Variants in CATSPERT observed in about 807,000 individuals in gnomAD.
CATSPERT encodes cation channel sperm-associated targeting subunit tau.
At chr2:201,573,151 A>G in the CATSPERT span, among the ~76,000 whole-genome samples, 16 of 152,364 alleles carry the variant, frequency 1.1e-4, no homozygotes, top group African/African-American at 3.8e-4. Context: ...TAATTCCTTG[A>G]AAAGGTCATT....
the CATSPERT span, among the ~76,000 whole-genome samples, chr2:201,615,229 C>G: frequency 6.6e-6 from 1 of 152,178 alleles, no homozygotes; most frequent in African/African-American, 2.4e-5. Context: ...ACAGAACTCT[C>G]CACCCCAAAT....
the CATSPERT span, among the ~76,000 whole-genome samples, chr2:201,593,744 GTCTCTTTTGA>G: frequency 6.7e-6 from 1 of 148,656 alleles, no homozygotes. Flanking sequence ...GGCCTTCTTT[GTCTCTTTTGA>G]TCTTTGTTGG....
the CATSPERT span, among the ~76,000 whole-genome samples, chr2:201,611,053 G>A: frequency 6.6e-6 from 1 of 152,072 alleles, no homozygotes; most frequent in Non-Finnish European, 1.5e-5. Context: ...TTTCCTCTAA[G>A]AACTAGAATA....
the CATSPERT span, chr2:201,493,813 T>G: frequency 1.4e-5 from 21 of 1,536,138 alleles, no homozygotes; most frequent in Non-Finnish European, 1.8e-5. Context: ...TATTAAATGT[T>G]TCTTTTTGGT....
chr2:201,584,275 G>C, the CATSPERT span, among the ~76,000 whole-genome samples: 1 of 152,030 alleles, frequency 6.6e-6, no homozygotes, highest in East Asian at 1.9e-4. Context: ...GGGTGACAGA[G>C]GGAGACCCTG....
the CATSPERT span, among the ~76,000 whole-genome samples, chr2:201,496,123 T>C: frequency 2.2e-5 from 3 of 134,396 alleles, no homozygotes; most frequent in East Asian, 2.1e-4. Context: ...AAGAAATCTA[T>C]ATACATATTA....
chr2:201,579,860 T>C, the CATSPERT span, among the ~76,000 whole-genome samples: 3 of 151,364 alleles, frequency 2.0e-5, no homozygotes, highest in Admixed American at 6.6e-5. Context: ...TTTCTTTTTT[T>C]TTTTTTTTTG....
At chr2:201,535,177 T>G in the CATSPERT span, 1 of 984,624 alleles carries the variant, frequency 1.0e-6, no homozygotes, top group Non-Finnish European at 1.2e-6. Flanking sequence ...TTTTGAAATT[T>G]GGGAGAGAAT....
the CATSPERT span, among the ~76,000 whole-genome samples, chr2:201,489,054 A>G: frequency 3.3e-5 from 5 of 152,136 alleles, no homozygotes; most frequent in African/African-American, 1.2e-4. Context: ...CTACGACTCA[A>G]TTTCTCTCTT....
chr2:201,597,680 G>A, the CATSPERT span, among the ~76,000 whole-genome samples: 1 of 152,062 alleles, frequency 6.6e-6, no homozygotes, highest in African/African-American at 2.4e-5. Context: ...ACTTTCCATT[G>A]TTCAATGCCA....
chr2:201,616,402 C>T, the CATSPERT span, among the ~76,000 whole-genome samples: 4 of 152,196 alleles, frequency 2.6e-5, no homozygotes, highest in Admixed American at 1.3e-4. Flanking sequence ...GCTGGTCCAA[C>T]ATATGCAAAT....
chr2:201,571,690 G>A, the CATSPERT span, among the ~76,000 whole-genome samples: 3 of 152,198 alleles, frequency 2.0e-5, no homozygotes, highest in Admixed American at 6.5e-5. Flanking sequence ...CCATGAACTT[G>A]GCACTCCTTC....
At chr2:201,587,825 C>T in the CATSPERT span, among the ~76,000 whole-genome samples, 1 of 151,866 alleles carries the variant, frequency 6.6e-6, no homozygotes, top group Non-Finnish European at 1.5e-5. Context: ...TTGCCACTGA[C>T]CCCACAAAAA....
the CATSPERT span, among the ~76,000 whole-genome samples, chr2:201,596,255 T>C: frequency 6.6e-6 from 1 of 151,942 alleles, no homozygotes; most frequent in South Asian, 2.1e-4. Context: ...ATAAAAAAGA[T>C]GGAGATCATA....
At chr2:201,618,789 T>C in the CATSPERT span, 31 of 836,268 alleles carry the variant, frequency 3.7e-5, no homozygotes, top group East Asian at 5.4e-5. Flanking sequence ...TGTGTGCCAA[T>C]TGAAGGGAGA....
chr2:201,487,557 ACATAT>A, the CATSPERT span: 26 of 1,476,316 alleles, frequency 1.8e-5, no homozygotes, highest in Admixed American at 4.7e-4. Flanking sequence ...TGCTGGCCTC[ACATAT>A]CATTCTGAGT....
At chr2:201,533,093 G>A in the CATSPERT span, among the ~76,000 whole-genome samples, 1 of 152,128 alleles carries the variant, frequency 6.6e-6, no homozygotes, top group East Asian at 1.9e-4. Flanking sequence ...GGAAACAGGG[G>A]CCTGTCTTGA....
At chr2:201,571,982 A>G in the CATSPERT span, 8 of 1,613,468 alleles carry the variant, frequency 5.0e-6, no homozygotes, top group Non-Finnish European at 6.8e-6. Context: ...CAAGATTCAT[A>G]AACATGGATG....
At chr2:201,578,714 A>C in the CATSPERT span, among the ~76,000 whole-genome samples, 1 of 152,184 alleles carries the variant, frequency 6.6e-6, no homozygotes, top group Non-Finnish European at 1.5e-5. Context: ...TTAGCATATT[A>C]TTCATGATCT....
Sources: gnomAD v4.1 joint callset for allele counts (sites outside exome capture counted in the v4.1 genomes callset) on GRCh38, gnomAD v4.1.1 for gene constraint, MANE v1.5 for transcripts, NCBI Gene and HGNC (gene_info 2026-07-23, HGNC 2026-07-21) for gene names.